Variants in RABGAP1 observed in about 807,000 individuals in gnomAD.
RABGAP1 encodes RAB GTPase activating protein 1, also known as rab GTPase-activating protein 1.
RABGAP1 carries 23 observed loss-of-function variants against 137.6 expected under a neutral mutation model. The observed-to-expected ratio is 0.17, with a 90% CI of 0.12 to 0.24. RABGAP1 has a LOEUF of 0.24. Ranked by LOEUF, RABGAP1 falls within the 10% of genes least tolerant of loss-of-function variation. The pLI, the probability that RABGAP1 is intolerant of heterozygous loss-of-function variation, is 1.00. For synonymous variants in RABGAP1, 451 were observed against 450.7 expected (o/e 1.00, Z -0.01); for missense variants, 906 against 1,275.8 (o/e 0.71, Z 4.42).
At chr9:123,061,749 A>G (rs2132107468) in intron 13 of RABGAP1, 1 of 152,334 alleles carries the variant, frequency 6.6e-6, no homozygotes, top group East Asian at 1.9e-4. Flanking sequence ...GAACGTAACA[A>G]CTGACAATAC....
chr9:123,074,602 A>G (rs1490870793), intron 17 of RABGAP1, among the ~76,000 whole-genome samples, 174 bp downstream of exon 17: 2 of 152,188 alleles, frequency 1.3e-5, no homozygotes, highest in Non-Finnish European at 2.9e-5. Flanking sequence ...TAATGATCGT[A>G]TTTGTTAAAG....
At chr9:122,956,130 A>G (rs1158081754) in intron 1 of RABGAP1, among the ~76,000 whole-genome samples, 2 of 152,316 alleles carry the variant, frequency 1.3e-5, no homozygotes, top group South Asian at 2.1e-4. Context: ...GGTAATGTTC[A>G]TATTGAGCTG....
At position 123,010,491 on chromosome 9, in the gene RABGAP1, A is replaced by G; in HGVS notation, c.1512A>G (p.Ser504=). 6.2e-7 allele frequency: 1 copy of G among 1,613,946 alleles called. No individual in the cohort carries two copies. Residue 504 remains serine (S), a synonymous_variant, in exon 11 of 26, where the codon TCA becomes TCG. Coordinates refer to ENST00000373647, the MANE Select transcript of RABGAP1 (RefSeq NM_012197.4). ...VRLPQSGSQS[S]VIPSPPEDDE... ...TGCCACAGTCTGGATCGCAAAGTTC[A>G]GTGATACCTTCTCCTCCAGAAGATG...
intron 4 of RABGAP1, among the ~76,000 whole-genome samples, chr9:122,988,531 A>G (rs1396890936): frequency 7.3e-6 from 1 of 136,436 alleles, no homozygotes. Flanking sequence ...AACATTTTGT[A>G]TAATTTCTGT....
In RABGAP1 at chr9:122,996,334, C is replaced by T. The variant is rs530297601; in HGVS notation, c.1034+183C>T. 2.9e-4 allele frequency: 345 copies of T among 1,208,064 alleles called. No individual in the cohort carries two copies. The African/African-American group carries it at 3.0e-3, about 11-fold the overall frequency. 74.8% of individuals were successfully genotyped at this position (1,208,064 alleles called of 1,614,324 possible). A position where few individuals can be genotyped will look rare whatever the true frequency, so the allele number is the denominator to read the frequency against. On this transcript the variant is annotated intron_variant, in intron 7 of 25. Transcript: ENST00000373647. ...AGCTACTATAAATAATCAGCTAATA[C>T]GCTCTCTTCAACTATGTGGTAATAA...
At chr9:123,087,623 C>T (rs1432372946) in intron 19 of RABGAP1, among the ~76,000 whole-genome samples, 2 of 152,188 alleles carry the variant, frequency 1.3e-5, no homozygotes, top group African/African-American at 4.8e-5. Context: ...TGTCCTGCTC[C>T]AGTTTGTGGC....
chr9:123,050,075 C>G (rs972940220), intron 13 of RABGAP1, among the ~76,000 whole-genome samples: 1 of 152,214 alleles, frequency 6.6e-6, no homozygotes, highest in African/African-American at 2.4e-5. Context: ...AGTCCATCGT[C>G]TGCATTCTTT....
intron 2 of RABGAP1, among the ~76,000 whole-genome samples, chr9:122,970,784 G>A (rs1835428056): frequency 2.6e-5 from 4 of 152,166 alleles, no homozygotes. Flanking sequence ...AACTATCACA[G>A]GATAGGAATT....
intron 13 of RABGAP1, among the ~76,000 whole-genome samples, chr9:123,064,799 C>T (rs1411612921): frequency 6.6e-6 from 1 of 152,188 alleles, no homozygotes; most frequent in African/African-American, 2.4e-5. Flanking sequence ...GATATTTTCC[C>T]ATAGCCTGTT....
intron 2 of RABGAP1, among the ~76,000 whole-genome samples, chr9:122,969,033 G>A (rs567737640): frequency 5.9e-5 from 9 of 152,228 alleles, no homozygotes; most frequent in African/African-American, 1.9e-4. Flanking sequence ...AGAAATACCC[G>A]TATAGTCATG....
chr9:123,085,719 C>T (rs537448071), intron 19 of RABGAP1, among the ~76,000 whole-genome samples: 2 of 152,298 alleles, frequency 1.3e-5, no homozygotes, highest in Admixed American at 1.3e-4. Flanking sequence ...ACTTCTAAGT[C>T]TCTGTTCATT....
At chr9:122,932,410 T>C in the RABGAP1 span, among the ~76,000 whole-genome samples, 2 of 151,844 alleles carry the variant, frequency 1.3e-5, no homozygotes, top group Non-Finnish European at 1.5e-5. Flanking sequence ...AATGTAGTTA[T>C]TTACAACTAT....
intron 13 of RABGAP1, among the ~76,000 whole-genome samples, chr9:123,054,512 GTTA>G (rs1379296271): frequency 1.3e-5 from 2 of 152,064 alleles, no homozygotes; most frequent in Admixed American, 6.5e-5. Flanking sequence ...TGTATACTCT[GTTA>G]TTAACTCTAT....
chr9:123,018,313 A>T (rs2031384537), intron 12 of RABGAP1, among the ~76,000 whole-genome samples: 1 of 152,242 alleles, frequency 6.6e-6, no homozygotes, highest in Non-Finnish European at 1.5e-5. Context: ...GGATAAAGTT[A>T]ATATTATCAA....
At chr9:123,005,745 A>T (rs1392611320) in intron 10 of RABGAP1, among the ~76,000 whole-genome samples, 1 of 151,850 alleles carries the variant, frequency 6.6e-6, no homozygotes, top group East Asian at 1.9e-4. Flanking sequence ...TGTTATTTTG[A>T]TTTTATGAAA....
chr9:122,967,144 G>A (rs1454915027), intron 2 of RABGAP1, among the ~76,000 whole-genome samples: 2 of 152,180 alleles, frequency 1.3e-5, no homozygotes, highest in Non-Finnish European at 2.9e-5. Context: ...AGGTATGTCT[G>A]ATTTGGCTAA....
At chr9:123,079,439 A>G (rs2034638811) in intron 19 of RABGAP1, among the ~76,000 whole-genome samples, 2 of 151,794 alleles carry the variant, frequency 1.3e-5, no homozygotes, top group Non-Finnish European at 2.9e-5. Context: ...GCGTTTCGCC[A>G]TGTTGGCCAG....
At chr9:123,048,924 T>C (rs117357068) in intron 13 of RABGAP1, among the ~76,000 whole-genome samples, 1,578 of 152,336 alleles carry the variant, frequency 0.01, 5 homozygotes, top group Non-Finnish European at 0.015. Context: ...TTGCCAAACA[T>C]TGAATAATTT....
chr9:122,982,404 G>A (rs969319962), intron 2 of RABGAP1, among the ~76,000 whole-genome samples: 3 of 152,172 alleles, frequency 2.0e-5, no homozygotes, highest in African/African-American at 4.8e-5. Flanking sequence ...ATATTTCAAC[G>A]TAGGCAGCCT....
Sources: gnomAD v4.1 joint callset for allele counts (sites outside exome capture counted in the v4.1 genomes callset) on GRCh38, gnomAD v4.1.1 for gene constraint, MANE v1.5 for transcripts, NCBI Gene and HGNC (gene_info 2026-07-23, HGNC 2026-07-21) for gene names.